Variants in IL7 observed in about 807,000 individuals in gnomAD.
IL7 encodes the protein interleukin-7.
In IL7, 3 loss-of-function variants were observed where a neutral mutation model predicts 21.6. The ratio of observed to expected loss-of-function variants is 0.14; its 90% CI spans 0.06 to 0.36. The LOEUF is 0.36. IL7 is among the 10% of genes least tolerant of loss of function. IL7 has a pLI of 1.00. For missense variants in IL7, 175 were observed against 200.2 expected (o/e 0.87, Z 0.76); for synonymous variants, 62 against 68.1 (o/e 0.91, Z 0.44).
chr8:78,713,405 A>G (rs1435115533), downstream of IL7, among the ~76,000 whole-genome samples: 1 of 151,990 alleles, frequency 6.6e-6, no homozygotes. Flanking sequence ...ATGTGTATAT[A>G]TTCATGGGTG....
At chr8:78,776,967 T>C (rs1813155546) in intron 2 of IL7, among the ~76,000 whole-genome samples, 1 of 152,208 alleles carries the variant, frequency 6.6e-6, no homozygotes, top group East Asian at 1.9e-4. Context: ...TAGAAACTTT[T>C]CATCTCTATA....
intron 4 of IL7, 80 bp from the exon 5 acceptor site, chr8:78,736,607 T>G: frequency 1.2e-6 from 1 of 828,650 alleles, no homozygotes; most frequent in Non-Finnish European, 2.0e-6. Context: ...AATTTTCATA[T>G]TGCCTTCAGC....
downstream of IL7, among the ~76,000 whole-genome samples, chr8:78,727,937 A>G (rs1229073435): frequency 6.6e-6 from 1 of 151,984 alleles, no homozygotes; most frequent in Non-Finnish European, 1.5e-5. Context: ...ATAGGATATA[A>G]GAACAATATA....
At chr8:78,791,006 C>T (rs1369857806) in intron 2 of IL7, among the ~76,000 whole-genome samples, 2 of 151,502 alleles carry the variant, frequency 1.3e-5, no homozygotes, top group Admixed American at 1.3e-4. Context: ...TGGTACTGAC[C>T]CAGGACAGAT....
At chr8:78,758,591 T>G (rs1380973624) in intron 2 of IL7, among the ~76,000 whole-genome samples, 1 of 152,102 alleles carries the variant, frequency 6.6e-6, no homozygotes, top group Admixed American at 6.5e-5. Flanking sequence ...ATGTTATTTC[T>G]CCATCCTTTT....
chr8:78,755,710 T>C (rs1428014948), intron 2 of IL7, among the ~76,000 whole-genome samples: 2 of 152,116 alleles, frequency 1.3e-5, no homozygotes, highest in Non-Finnish European at 1.5e-5. Context: ...TGAATTCATT[T>C]ATCAGTTCTA....
At chr8:78,752,591 C>A (rs1309145673) in intron 2 of IL7, among the ~76,000 whole-genome samples, 1 of 151,968 alleles carries the variant, frequency 6.6e-6, no homozygotes, top group East Asian at 1.9e-4. Flanking sequence ...CTATTCACAT[C>A]CTTTGCTCAC....
At chr8:78,753,384 T>C (rs1360605465) in intron 2 of IL7, among the ~76,000 whole-genome samples, 1 of 152,222 alleles carries the variant, frequency 6.6e-6, no homozygotes, top group African/African-American at 2.4e-5. Context: ...ATTTGAAAAG[T>C]GTCTGTTCAT....
chr8:78,718,032 A>G (rs1811160571), exon 7 of IL7: 1 of 152,078 alleles, frequency 6.6e-6, no homozygotes, highest in African/African-American at 2.4e-5. Context: ...TTATTTCATA[A>G]ATCCGAAAAA....
intron 3 of IL7, among the ~76,000 whole-genome samples, chr8:78,708,570 A>AT (rs1317240162): frequency 1.3e-5 from 2 of 152,280 alleles, no homozygotes; most frequent in Admixed American, 6.5e-5. Flanking sequence ...TGTAAAAAAA[A>AT]GCAATCAAAT....
At chr8:78,797,413 C>G (rs2130843386) in intron 2 of IL7, among the ~76,000 whole-genome samples, 1 of 151,998 alleles carries the variant, frequency 6.6e-6, no homozygotes, top group Admixed American at 6.5e-5. Flanking sequence ...TGTAATGTAT[C>G]AATGCTGGCT....
chr8:78,720,124 A>G (rs1811209572), intron 5 of IL7, among the ~76,000 whole-genome samples: 1 of 151,890 alleles, frequency 6.6e-6, no homozygotes, highest in African/African-American at 2.4e-5. Flanking sequence ...AATATTTTAG[A>G]CCACATTTAA....
chr8:78,697,462 C>G (rs1163740902), intron 3 of IL7: 10 of 1,610,728 alleles, frequency 6.2e-6, no homozygotes, highest in Admixed American at 5.1e-5. Context: ...TCATCAGGAT[C>G]TTCACGATTA....
downstream of IL7, among the ~76,000 whole-genome samples, chr8:78,732,258 T>C (rs1811439017): frequency 6.6e-6 from 1 of 152,110 alleles, no homozygotes; most frequent in African/African-American, 2.4e-5. Context: ...AATACTTGAC[T>C]CAAAGTCCTG....
intron 3 of IL7, among the ~76,000 whole-genome samples, chr8:78,699,816 T>G (rs930746922): frequency 1.1e-4 from 17 of 152,332 alleles, no homozygotes; most frequent in African/African-American, 3.8e-4. Flanking sequence ...TTTTTATGGC[T>G]GCATAGTATT....
intron 2 of IL7, among the ~76,000 whole-genome samples, chr8:78,783,135 C>T (rs1464555641): frequency 6.6e-6 from 1 of 152,150 alleles, no homozygotes; most frequent in Non-Finnish European, 1.5e-5. Context: ...ATGGTGGCTA[C>T]CCTTCCCTCT....
intron 3 of IL7, 137 bp downstream of exon 3, chr8:78,739,865 A>G (rs929970110): frequency 4.1e-5 from 29 of 712,822 alleles, no homozygotes; most frequent in Non-Finnish European, 5.6e-5. Flanking sequence ...GGGCCATAGT[A>G]TGATTTAATC....
At chr8:78,719,210 CTGAGCACTGTTTTTT>C (rs1187571813) in intron 5 of IL7, 1 of 142,628 alleles carries the variant, frequency 7.0e-6, no homozygotes. Context: ...TTATCTAATA[CTGAGCACTGTTTTTT>C]TGTCAAGTAT....
chr8:78,716,570 A>C (rs926384784), downstream of IL7, among the ~76,000 whole-genome samples: 3 of 152,166 alleles, frequency 2.0e-5, no homozygotes, highest in African/African-American at 7.2e-5. Context: ...CTTGTGACCA[A>C]GGAGAGAGAC....
Sources: allele counts gnomAD v4.1 joint callset (sites outside exome capture counted in the v4.1 genomes callset), GRCh38; gene constraint gnomAD v4.1.1; transcripts MANE v1.5; gene names NCBI Gene and HGNC (gene_info 2026-07-23, HGNC 2026-07-21).